RABGGTB: variants seen among roughly 807,000 people sequenced by gnomAD.
RABGGTB encodes Rab geranylgeranyltransferase subunit beta, also known as geranylgeranyl transferase type-2 subunit beta.
RABGGTB carries 20 observed loss-of-function variants against 44.5 expected under a neutral mutation model. That is an observed-to-expected ratio of 0.45 (90% CI 0.32 to 0.65). The LOEUF is 0.65. Ranked by LOEUF, RABGGTB falls within the 30% of genes least tolerant of loss-of-function variation. The pLI, the probability that RABGGTB is intolerant of heterozygous loss-of-function variation, is 0.05. For missense variants in RABGGTB, 302 were observed against 398.7 expected, an observed-to-expected ratio of 0.76 and a Z score of 2.06; for synonymous variants, 128 against 136.7, an observed-to-expected ratio of 0.94 and a Z score of 0.44.
chr1:75,794,132 A>G lies in RABGGTB; in HGVS notation c.754A>G (p.Ile252Val), dbSNP rs147978163. 3.1e-6 allele frequency: 5 copies of G among 1,613,836 alleles called. No homozygotes were observed. The African/African-American group carries it at 6.7e-5, about 22-fold the overall frequency. The change falls in exon 8 of 9, where the codon ATT (isoleucine) becomes GTT (valine). Residue 252 changes from isoleucine to valine, a missense_variant. This residue lies in a region of RABGGTB where 213 missense variants were observed against 323.7 expected (regional missense o/e 0.66). Transcript: ENST00000319942. ...GTGGGTCCTGGCTTCCCTAAAGATA[A>G]TTGGAAGACTTCATTGGATTGATAG... is the stretch of plus-strand genomic sequence containing the variant. ...SWWVLASLKI[I>V]GRLHWIDREK... is the part of the protein sequence containing the mutation.
In RABGGTB at chr1:75,789,275, G is replaced by A; in HGVS notation, c.228G>A (p.Lys76=). ...GAGAAGAGATTCTGGCATTTATTAA[G>A]TCTTGCCAACATGAATGTGGTGGAA... The part of the protein sequence containing the change: ...MNREEILAFI[K]SCQHECGGIS... The change falls in exon 3 of 9, where the codon AAG becomes AAA. Residue 76 remains lysine (K), a synonymous_variant. Coordinates refer to ENST00000319942, the MANE Select transcript of RABGGTB (RefSeq NM_004582.4). The A allele has an allele frequency of 6.2e-7, 1 of 1,614,110 alleles. No homozygotes were observed. Among genetic ancestry groups the A allele is most frequent in the Admixed American group, 1.7e-5 (1 of 60,026 alleles).
intron 1 of RABGGTB, among the ~76,000 whole-genome samples, 193 bp downstream of exon 1, chr1:75,786,467 A>G (rs568533074): frequency 2.0e-5 from 3 of 152,252 alleles, no homozygotes; most frequent in East Asian, 1.9e-4. Context: ...TGCCGCTTCT[A>G]ATTTTATCCA....
At chr1:75,789,574 A>G (rs901261406) in intron 3 of RABGGTB, 1 of 750,026 alleles carries the variant, frequency 1.3e-6, no homozygotes, top group Admixed American at 1.7e-5. Flanking sequence ...TATCTTCAGT[A>G]TGTGTAAATA....
rs754225472 is a variant in RABGGTB, at chr1:75,788,195, A to C, written c.111+591A>C. ...ATACTCTATTAGCAATCATGGAGTTAAGGCCATATGGATGGGGCTGGACTC... is the reference window on the plus strand; with the variant it reads ...ATACTCTATTAGCAATCATGGAGTTCAGGCCATATGGATGGGGCTGGACTC... On this transcript the variant is annotated intron_variant, in intron 2 of 8. Coordinates refer to ENST00000319942, the MANE Select transcript of RABGGTB (RefSeq NM_004582.4). The C allele has an allele frequency of 7.5e-5, 19 of 251,748 alleles. No homozygotes were observed. The East Asian group carries it at 1.7e-3, about 22-fold the overall frequency. 15.6% of individuals were successfully genotyped at this position (251,748 alleles called of 1,614,324 possible). A position where few individuals can be genotyped will look rare whatever the true frequency, so the allele number is the denominator to read the frequency against.
At position 75,790,060 on chromosome 1, in the gene RABGGTB, A is replaced by C; in HGVS notation, c.415+3A>C. 1 of 1,612,262 alleles carries C rather than the reference A, an allele frequency of 6.2e-7. No individual in the cohort carries two copies. The highest frequency in any genetic ancestry group is 8.5e-7 in the Non-Finnish European group (1 of 1,178,696). On this transcript the variant is annotated splice_donor_region_variant and intron_variant, in intron 4 of 8. Coordinates refer to ENST00000319942, the MANE Select transcript of RABGGTB (RefSeq NM_004582.4). ...TTCTTTTGCTGGAGATATTTGGGGT[A>C]ATGTCAGATTTAGTCCATTCTACCC...
intron 1 of RABGGTB, chr1:75,787,262 C>A: frequency 1.6e-6 from 1 of 631,650 alleles, no homozygotes; most frequent in Non-Finnish European, 2.9e-6. Flanking sequence ...AGTCGGTCTC[C>A]GGTCGCCCAG....
intron 2 of RABGGTB, 140 bp downstream of exon 2, chr1:75,787,744 T>G (rs1649535457): frequency 1.4e-6 from 1 of 715,306 alleles, no homozygotes; most frequent in African/African-American, 1.8e-5. Flanking sequence ...TGAACTTCAG[T>G]TAAGTGTGCT....
intron 1 of RABGGTB, among the ~76,000 whole-genome samples, chr1:75,786,480 CCTT>C (rs1226004573): frequency 6.6e-5 from 10 of 152,136 alleles, no homozygotes; most frequent in African/African-American, 2.4e-4. Flanking sequence ...TTTATCCAGG[CCTT>C]CTTCTGTAGG....
At chr1:75,787,339 A>G (rs1649519744) in intron 1 of RABGGTB, 158 bp from the exon 2 acceptor site, 2 of 639,050 alleles carry the variant, frequency 3.1e-6, no homozygotes, top group South Asian at 3.8e-5. Flanking sequence ...GCGATCTTCT[A>G]CCTCAGCCTC....
chr1:75,786,312 G>A, intron 1 of RABGGTB, 38 bp downstream of exon 1: 1 of 1,613,366 alleles, frequency 6.2e-7, no homozygotes, highest in African/African-American at 1.3e-5. Context: ...GGATGGGTTG[G>A]TAGCAGACAG....
chr1:75,791,905 TTTC>T (rs1458369476), intron 6 of RABGGTB: 3 of 399,400 alleles, frequency 7.5e-6, no homozygotes, highest in African/African-American at 4.1e-5. Context: ...ATGAACCTCT[TTTC>T]TTGTGCCAGA....
chr1:75,790,033 G>T lies in RABGGTB; in HGVS notation c.391G>T (p.Gly131Cys). ...EYVKGLQKED[G>C]SFAGDIWGEI... ...TGTTAAAGGTCTACAGAAAGAAGAT[G>T]GTTCTTTTGCTGGAGATATTTGGGG... Residue 131 changes from glycine to cysteine, a missense_variant, in exon 4 of 9, where the codon GGT becomes TGT. By Grantham distance (159) the Gly-to-Cys change is radical. Coordinates refer to ENST00000319942, the MANE Select transcript of RABGGTB (RefSeq NM_004582.4). 2.5e-6 allele frequency: 4 copies of T among 1,612,456 alleles called. No homozygotes were observed. Among genetic ancestry groups the T allele is most frequent in the Non-Finnish European group, 3.4e-6 (4 of 1,178,796 alleles).
chr1:75,792,156 A>G (rs1453957147), intron 6 of RABGGTB, 25 bp from the exon 7 acceptor site: 2 of 1,575,806 alleles, frequency 1.3e-6, no homozygotes, highest in South Asian at 2.2e-5. Flanking sequence ...TATTATACAC[A>G]TAAACTTTAT....
chr1:75,790,729 A>T (rs1649626201), intron 4 of RABGGTB, among the ~76,000 whole-genome samples: 1 of 152,030 alleles, frequency 6.6e-6, no homozygotes, highest in Non-Finnish European at 1.5e-5. Context: ...CCCAGGCTGG[A>T]GTGCAGTGGT....
intron 2 of RABGGTB, 75 bp downstream of exon 2, chr1:75,787,679 A>G: frequency 1.7e-6 from 2 of 1,174,688 alleles, no homozygotes; most frequent in South Asian, 1.3e-5. Context: ...GACAGTATTT[A>G]TGTCTTAAAA....
At chr1:75,792,348 GA>G in intron 7 of RABGGTB, 42 bp downstream of exon 7, 1 of 1,596,718 alleles carries the variant, frequency 6.3e-7, no homozygotes, top group South Asian at 1.1e-5. Flanking sequence ...TTAGAACCTT[GA>G]GTGAATGCTG....
At chr1:75,787,060 G>A (rs1649509109) in intron 1 of RABGGTB, 2 of 519,234 alleles carry the variant, frequency 3.9e-6, no homozygotes, top group East Asian at 5.4e-5. Flanking sequence ...AAATGCTGGT[G>A]GTAATTTTTT....
chr1:75,790,120 G>A (rs1422355906), intron 4 of RABGGTB, 63 bp downstream of exon 4: 17 of 1,596,170 alleles, frequency 1.1e-5, no homozygotes, highest in Non-Finnish European at 1.3e-5. Flanking sequence ...GGTTTTGCTA[G>A]TAACCAGTTT....
At chr1:75,789,489 A>G (rs778230858) in intron 3 of RABGGTB, 133 bp downstream of exon 3, 2 of 910,840 alleles carry the variant, frequency 2.2e-6, no homozygotes, top group Non-Finnish European at 3.7e-6. Flanking sequence ...TCAATGATGT[A>G]ATGGCATGTA....
Sources: allele counts gnomAD v4.1 joint callset (sites outside exome capture counted in the v4.1 genomes callset), GRCh38; gene constraint gnomAD v4.1.1; regional missense constraint gnomAD v4.1.1; transcripts MANE v1.5; gene names NCBI Gene and HGNC (gene_info 2026-07-23, HGNC 2026-07-21).